Variants in PDE1C observed in about 807,000 individuals in gnomAD.
The protein encoded by PDE1C is phosphodiesterase 1C.
Under a neutral mutation model 93.1 loss-of-function variants are expected in PDE1C, and 62 were observed. The observed-to-expected ratio is 0.67, with a 90% CI of 0.54 to 0.82. The LOEUF is 0.82. Among genes scored for constraint, PDE1C ranks in the 40% least tolerant of loss-of-function variants. The pLI, the probability that PDE1C is intolerant of heterozygous loss-of-function variation, is 0.00. For synonymous variants in PDE1C, 325 were observed against 310.1 expected (o/e 1.05, Z -0.50); for missense variants, 742 against 884.6 (o/e 0.84, Z 2.04).
At chr7:31,706,969 T>C in the PDE1C span, among the ~76,000 whole-genome samples, 1 of 152,214 alleles carries the variant, frequency 6.6e-6, no homozygotes, top group Non-Finnish European at 1.5e-5. Context: ...AGGTTGCCTC[T>C]GACTTCCAGG....
intron 2 of PDE1C, among the ~76,000 whole-genome samples, chr7:31,958,857 T>C (rs1254116890): frequency 1.3e-5 from 2 of 152,216 alleles, no homozygotes; most frequent in African/African-American, 4.8e-5. Context: ...TACTCTGAAG[T>C]GTATACTATA....
chr7:32,210,520 T>C (rs1346298153), intron 1 of PDE1C, among the ~76,000 whole-genome samples: 1 of 152,216 alleles, frequency 6.6e-6, no homozygotes, highest in East Asian at 1.9e-4. Context: ...ACTTATTATA[T>C]CGTTTTACAA....
At chr7:31,689,630 T>A in the PDE1C span, among the ~76,000 whole-genome samples, 29 of 152,182 alleles carry the variant, frequency 1.9e-4, no homozygotes, top group Admixed American at 1.1e-3. Flanking sequence ...TCACTGAGGA[T>A]AGAAATGGAG....
At chr7:32,409,260 C>T (rs1785117914) in intron 1 of PDE1C, among the ~76,000 whole-genome samples, 1 of 151,930 alleles carries the variant, frequency 6.6e-6, no homozygotes, top group Non-Finnish European at 1.5e-5. Context: ...ACCTGGGAGG[C>T]TGAGTGGGGA....
At chr7:32,164,780 G>A (rs1024991354) in intron 3 of PDE1C, among the ~76,000 whole-genome samples, 1 of 152,180 alleles carries the variant, frequency 6.6e-6, no homozygotes, top group Non-Finnish European at 1.5e-5. Context: ...AGAGGCTGGG[G>A]AGACAAACCT....
chr7:31,746,836 G>T (rs968522550), downstream of PDE1C, among the ~76,000 whole-genome samples: 4 of 152,142 alleles, frequency 2.6e-5, no homozygotes, highest in African/African-American at 9.7e-5. Flanking sequence ...GGGAAAAAAA[G>T]CCACAAGTTG....
intron 1 of PDE1C, among the ~76,000 whole-genome samples, chr7:32,409,754 T>A (rs1785126980): frequency 6.6e-6 from 1 of 151,806 alleles, no homozygotes; most frequent in Non-Finnish European, 1.5e-5. Flanking sequence ...AATAATTTCA[T>A]ATATATATAT....
intron 1 of PDE1C, among the ~76,000 whole-genome samples, chr7:32,259,202 T>C (rs1251997433): frequency 6.6e-6 from 1 of 152,132 alleles, no homozygotes; most frequent in African/African-American, 2.4e-5. Flanking sequence ...TTTTGATAAA[T>C]TGTTCTTCCA....
the PDE1C span, chr7:31,653,072 C>T: frequency 5.5e-5 from 53 of 956,482 alleles, no homozygotes; most frequent in Middle Eastern, 1.1e-3. Context: ...AAATAGTATA[C>T]GGTCTCTGCC....
intron 2 of PDE1C, among the ~76,000 whole-genome samples, chr7:32,198,470 C>G (rs189143843): frequency 2.6e-4 from 39 of 152,278 alleles, no homozygotes; most frequent in African/African-American, 7.0e-4. Context: ...GTTTATATCT[C>G]TGTTGAGTGA....
chr7:32,176,283 T>C (rs1160514143), intron 2 of PDE1C, among the ~76,000 whole-genome samples: 1 of 152,070 alleles, frequency 6.6e-6, no homozygotes, highest in Non-Finnish European at 1.5e-5. Context: ...CCAAGATCCA[T>C]TATAAGTGAA....
chr7:32,269,033 G>A (rs925692226), intron 1 of PDE1C, among the ~76,000 whole-genome samples: 8 of 152,198 alleles, frequency 5.3e-5, no homozygotes, highest in East Asian at 1.9e-4. Context: ...AACTCAAGTC[G>A]CTCAAACTGA....
intron 8 of PDE1C, among the ~76,000 whole-genome samples, chr7:31,849,411 A>G (rs1324842678): frequency 6.6e-6 from 1 of 152,162 alleles, no homozygotes; most frequent in Non-Finnish European, 1.5e-5. Context: ...TTCCCTTGGA[A>G]CACAACCACA....
Position 31,815,908 on chromosome 7 carries a change from G to A in PDE1C, c.1813+16C>T, listed in dbSNP as rs375450469. 18 of 1,553,830 alleles carry A rather than the reference G, an allele frequency of 1.2e-5. No individual in the cohort carries two copies. In the African/African-American group the frequency reaches 2.4e-4, roughly 21 times the overall value. On this transcript the variant is annotated intron_variant, in intron 15 of 17. Coordinates refer to ENST00000396191, the MANE Select transcript of PDE1C (RefSeq NM_001191057.4). Reference sequence around the variant, plus strand: ...ATGCCGCGAAAAGAGCCCTTCACCAGTGTAAGTCTACTCACCATTCTGTTG... The same window carrying A: ...ATGCCGCGAAAAGAGCCCTTCACCAATGTAAGTCTACTCACCATTCTGTTG...
intron 2 of PDE1C, among the ~76,000 whole-genome samples, chr7:31,961,228 A>G (rs999446117): frequency 1.3e-5 from 2 of 149,176 alleles, no homozygotes; most frequent in Non-Finnish European, 3.0e-5. Flanking sequence ...AATCACTCGT[A>G]CATGTATATG....
At chr7:32,336,907 A>C (rs215657) in intron 1 of PDE1C, among the ~76,000 whole-genome samples, 145,142 of 152,232 alleles carry the variant, frequency 0.95, 69,383 homozygotes, top group East Asian at 1. Context: ...ACAAACAACT[A>C]CAGTGAGCAT....
chr7:32,101,872 A>G (rs1178445335), intron 3 of PDE1C, among the ~76,000 whole-genome samples: 1 of 152,180 alleles, frequency 6.6e-6, no homozygotes. Context: ...GGGCCTCAGG[A>G]AAGTTACAAT....
intron 1 of PDE1C, among the ~76,000 whole-genome samples, chr7:32,267,185 G>A (rs1810639960): frequency 6.6e-6 from 1 of 152,240 alleles, no homozygotes; most frequent in Admixed American, 6.5e-5. Context: ...CCTGAGCAAG[G>A]CTGAGTGCAA....
chr7:32,299,467 C>T, upstream of PDE1C: 6 of 964,090 alleles, frequency 6.2e-6, no homozygotes, highest in Non-Finnish European at 7.4e-6. Context: ...GTGAAATGTA[C>T]AATCGAATTA....
Sources: gnomAD v4.1 joint callset for allele counts (sites outside exome capture counted in the v4.1 genomes callset) on GRCh38, gnomAD v4.1.1 for gene constraint, MANE v1.5 for transcripts, NCBI Gene and HGNC (gene_info 2026-07-23, HGNC 2026-07-21) for gene names.